DLG2: variants seen among roughly 807,000 people sequenced by gnomAD.
The protein encoded by DLG2 is disks large homolog 2.
Under a neutral mutation model 132.5 loss-of-function variants are expected in DLG2, and 45 were observed. The observed-to-expected ratio is 0.34, with a 90% CI of 0.27 to 0.44. DLG2 has a LOEUF of 0.44. DLG2 is among the 20% of genes least tolerant of loss of function. The probability of loss-of-function intolerance (pLI) is 1.00; values close to 1 mark genes in which losing one functional copy is unlikely to be tolerated. For missense variants in DLG2, 1,045 were observed against 1,196.9 expected, an observed-to-expected ratio of 0.87 and a Z score of 1.87; for synonymous variants, 424 against 419.6, an observed-to-expected ratio of 1.01 and a Z score of -0.13.
intron 24 of DLG2, among the ~76,000 whole-genome samples, chr11:83,469,979 T>C (rs1426168485): frequency 1.3e-5 from 2 of 152,174 alleles, no homozygotes; most frequent in Non-Finnish European, 2.9e-5. Flanking sequence ...ACCTAAATTT[T>C]TTGGTAAGAA....
At chr11:85,586,231 T>G (rs190526645) in intron 3 of DLG2, among the ~76,000 whole-genome samples, 2 of 152,242 alleles carry the variant, frequency 1.3e-5, no homozygotes, top group Admixed American at 1.3e-4. Flanking sequence ...CCCAGAATGA[T>G]TTAGGGAGGA....
chr11:84,466,122 T>C (rs945296662), intron 7 of DLG2, among the ~76,000 whole-genome samples: 1 of 151,208 alleles, frequency 6.6e-6, no homozygotes, highest in Admixed American at 6.6e-5. Flanking sequence ...GACAACTGTA[T>C]AGCTATTTCA....
chr11:84,176,381 T>C (rs950689646), intron 8 of DLG2, among the ~76,000 whole-genome samples: 5 of 149,378 alleles, frequency 3.3e-5, no homozygotes, highest in Non-Finnish European at 7.4e-5. Flanking sequence ...GCATATTTCA[T>C]ATATAACATA....
Position 85,044,433 on chromosome 11 carries a change from A to G in DLG2, c.357+67228T>C, listed in dbSNP as rs370893250. On this transcript the variant is annotated intron_variant, in intron 6 of 27. Transcript: ENST00000376104. ...ACTGTCTTGAGACTAGATGGTATAT[A>G]TGGCCCAATTTCATAATTATAATTG... Among the ~76,000 whole-genome samples, 113 of 152,154 alleles carry G rather than the reference A, an allele frequency of 7.4e-4. 1 individual carries two copies. The South Asian group carries it at 9.9e-3, about 13-fold the overall frequency.
intron 11 of DLG2, among the ~76,000 whole-genome samples, chr11:83,983,954 G>T (rs1592343579): frequency 6.6e-6 from 1 of 152,028 alleles, no homozygotes; most frequent in Admixed American, 6.6e-5. Context: ...ATTTATAAAA[G>T]TACAGAGGTT....
At chr11:84,923,705 A>C in intron 6 of DLG2, 126 of 434,008 alleles carry the variant, frequency 2.9e-4, no homozygotes, top group Non-Finnish European at 3.6e-4. Context: ...AGCATGTCTC[A>C]TTCTGCTTCT....
chr11:84,217,174 G>A (rs967529502), intron 8 of DLG2, among the ~76,000 whole-genome samples: 6 of 152,048 alleles, frequency 3.9e-5, no homozygotes, highest in African/African-American at 1.2e-4. Flanking sequence ...TAACACCTCC[G>A]AAAGAAGCCA....
chr11:84,129,026 G>T (rs77773326), intron 9 of DLG2, among the ~76,000 whole-genome samples: 84 of 152,118 alleles, frequency 5.5e-4, no homozygotes, highest in African/African-American at 2.0e-3. Context: ...GCTGGCAGAT[G>T]AAAATGAAGT....
At chr11:84,427,479 G>A (rs996780436) in intron 7 of DLG2, among the ~76,000 whole-genome samples, 1 of 152,032 alleles carries the variant, frequency 6.6e-6, no homozygotes, top group African/African-American at 2.4e-5. Flanking sequence ...CTTGGGTGGT[G>A]TGCCAATAAG....
At position 85,407,294 on chromosome 11, in the gene DLG2, G is replaced by A. The variant is rs187052530; in HGVS notation, c.41-121929C>T. Among the ~76,000 whole-genome samples the A allele has an allele frequency of 1.4e-4, 21 of 151,948 alleles. 1 individual carries two copies. The highest frequency in any genetic ancestry group is 4.1e-4 in the African/African-American group (17 of 41,508). On this transcript the variant is annotated intron_variant, in intron 3 of 27. Coordinates refer to ENST00000376104, the MANE Select transcript of DLG2 (RefSeq NM_001142699.3). ...TTAAAAGGTAGTAAAGGCAAGCCTAGAAGAGAACCAGTTGGAAGGCTAATG... is the reference window on the plus strand; with the variant it reads ...TTAAAAGGTAGTAAAGGCAAGCCTAAAAGAGAACCAGTTGGAAGGCTAATG...
intron 7 of DLG2, among the ~76,000 whole-genome samples, chr11:84,256,987 T>C (rs1054884432): frequency 2.0e-5 from 3 of 152,192 alleles, no homozygotes; most frequent in African/African-American, 7.2e-5. Flanking sequence ...TCAGACCATA[T>C]GCTAATCCTG....
At chr11:85,585,940 G>A (rs538958214) in intron 3 of DLG2, among the ~76,000 whole-genome samples, 29 of 152,176 alleles carry the variant, frequency 1.9e-4, no homozygotes, top group African/African-American at 7.0e-4. Flanking sequence ...GGCTGATCTT[G>A]AACTCCTGAC....
chr11:83,630,071 A>G (rs1842062413), intron 19 of DLG2, among the ~76,000 whole-genome samples: 1 of 152,194 alleles, frequency 6.6e-6, no homozygotes, highest in South Asian at 2.1e-4. Flanking sequence ...CCACTAAAGT[A>G]CTTCAAGCAC....
intron 24 of DLG2, 44 bp downstream of exon 24, chr11:83,471,582 A>C: frequency 1.4e-6 from 2 of 1,408,726 alleles, no homozygotes; most frequent in Admixed American, 1.7e-5. Flanking sequence ...AAAGAAATCC[A>C]AGCTCTTTTT....
intron 14 of DLG2, among the ~76,000 whole-genome samples, chr11:83,949,203 A>G (rs1205225754): frequency 2.0e-5 from 3 of 152,102 alleles, no homozygotes; most frequent in Non-Finnish European, 4.4e-5. Flanking sequence ...AAACTAACTG[A>G]GATTGTAGAC....
intron 6 of DLG2, among the ~76,000 whole-genome samples, chr11:84,680,831 T>C (rs921597665): frequency 6.6e-5 from 10 of 152,322 alleles, no homozygotes; most frequent in African/African-American, 2.2e-4. Context: ...AGCAGTTTTA[T>C]ACATAATTCT....
chr11:84,335,423 A>G (rs1191016175), intron 7 of DLG2, among the ~76,000 whole-genome samples: 1 of 152,224 alleles, frequency 6.6e-6, no homozygotes, highest in Non-Finnish European at 1.5e-5. Context: ...TAGTAAGGTC[A>G]TGCCCCAAGT....
intron 7 of DLG2, among the ~76,000 whole-genome samples, chr11:84,464,765 A>G (rs905285381): frequency 7.9e-5 from 12 of 151,196 alleles, no homozygotes; most frequent in African/African-American, 2.9e-4. Flanking sequence ...CAACATAAAT[A>G]GATATGAATA....
intron 6 of DLG2, chr11:84,545,646 G>A: frequency 3.4e-6 from 1 of 294,670 alleles, no homozygotes; most frequent in Non-Finnish European, 6.6e-6. Context: ...TGGTCCTTAA[G>A]AGTTACAAAG....
Sources: allele counts gnomAD v4.1 joint callset (sites outside exome capture counted in the v4.1 genomes callset), GRCh38; gene constraint gnomAD v4.1.1; transcripts MANE v1.5; gene names NCBI Gene and HGNC (gene_info 2026-07-23, HGNC 2026-07-21).